EXOC4: variants seen among roughly 807,000 people sequenced by gnomAD.
EXOC4 encodes SEC8-like 1.
A neutral mutation model predicts 107.2 loss-of-function variants in EXOC4; 71 were observed. The ratio of observed to expected loss-of-function variants is 0.66; its 90% CI spans 0.55 to 0.81. EXOC4 has a LOEUF of 0.81. Among genes scored for constraint, EXOC4 ranks in the 30% least tolerant of loss-of-function variants. The pLI, the probability that EXOC4 is intolerant of heterozygous loss-of-function variation, is 0.00. For synonymous variants in EXOC4, 456 were observed against 441.2 expected, an observed-to-expected ratio of 1.03 and a Z score of -0.42; for missense variants, 1,108 against 1,189.6, an observed-to-expected ratio of 0.93 and a Z score of 1.01.
At chr7:133,555,391 A>C (rs959224442) in intron 9 of EXOC4, among the ~76,000 whole-genome samples, 5 of 152,102 alleles carry the variant, frequency 3.3e-5, no homozygotes, top group African/African-American at 9.7e-5. Context: ...TTATTTCTTT[A>C]ATAAAATTGA....
At chr7:133,950,929 G>T (rs1368204063) in intron 14 of EXOC4, among the ~76,000 whole-genome samples, 1 of 152,212 alleles carries the variant, frequency 6.6e-6, no homozygotes, top group Non-Finnish European at 1.5e-5. Flanking sequence ...TAACGCATTT[G>T]TTCAAGCCAA....
intron 9 of EXOC4, among the ~76,000 whole-genome samples, chr7:133,565,835 G>T (rs984151671): frequency 6.6e-6 from 1 of 152,106 alleles, no homozygotes; most frequent in African/African-American, 2.4e-5. Context: ...TGATCCTACT[G>T]GTGGTTCAGA....
chr7:133,464,814 T>TTTG (rs1554457668), intron 7 of EXOC4, among the ~76,000 whole-genome samples: 4 of 109,498 alleles, frequency 3.7e-5, no homozygotes, highest in Non-Finnish European at 5.6e-5. Context: ...TGGGTTGGTT[T>TTTG]TTTTTTTTTT....
chr7:133,783,398 A>G (rs1321056034), intron 10 of EXOC4, among the ~76,000 whole-genome samples: 1 of 152,210 alleles, frequency 6.6e-6, no homozygotes, highest in Non-Finnish European at 1.5e-5. Flanking sequence ...TTACATATGA[A>G]GCACTGCTAT....
chr7:133,661,284 G>A (rs1000583360), intron 10 of EXOC4, among the ~76,000 whole-genome samples: 2 of 152,116 alleles, frequency 1.3e-5, no homozygotes, highest in Non-Finnish European at 2.9e-5. Flanking sequence ...TCTGGAGGGA[G>A]AAGAGCACAA....
intron 17 of EXOC4, among the ~76,000 whole-genome samples, chr7:134,052,195 A>G (rs1795811364): frequency 6.6e-6 from 1 of 152,160 alleles, no homozygotes; most frequent in African/African-American, 2.4e-5. Context: ...AAAAGGAGAA[A>G]AGACACGAGG....
intron 7 of EXOC4, among the ~76,000 whole-genome samples, chr7:133,431,753 G>A (rs760331978): frequency 1.1e-4 from 17 of 152,172 alleles, no homozygotes; most frequent in Non-Finnish European, 1.8e-4. Flanking sequence ...TTTATAGACC[G>A]GACCCGTAAT....
intron 9 of EXOC4, among the ~76,000 whole-genome samples, chr7:133,597,317 G>A (rs550835821): frequency 2.0e-5 from 3 of 152,130 alleles, no homozygotes; most frequent in Non-Finnish European, 2.9e-5. Flanking sequence ...ACTTTGGGAG[G>A]CCGAGGCGGG....
At chr7:133,387,558 T>C (rs1172067402) in intron 7 of EXOC4, among the ~76,000 whole-genome samples, 1 of 152,178 alleles carries the variant, frequency 6.6e-6, no homozygotes, top group African/African-American at 2.4e-5. Flanking sequence ...GAAACAATTA[T>C]ATCATCATGT....
chr7:133,965,015 T>C (rs1801030238), intron 14 of EXOC4, among the ~76,000 whole-genome samples: 1 of 152,186 alleles, frequency 6.6e-6, no homozygotes, highest in Non-Finnish European at 1.5e-5. Context: ...TTTTAATGAT[T>C]GCCATTGTAA....
chr7:133,391,728 A>G lies in EXOC4; in HGVS notation c.1182+16726A>G, dbSNP rs992930924. ...TGCACTTTAGAGGAATTACCCAAAT[A>G]CTTTCACAGACAGCATATCAGCAAA... On this transcript the variant is annotated intron_variant, in intron 7 of 17. Coordinates refer to ENST00000253861, the MANE Select transcript of EXOC4 (RefSeq NM_021807.4). Among the ~76,000 whole-genome samples, 6 of 152,350 alleles carry G rather than the reference A, an allele frequency of 3.9e-5. No individual in the cohort carries two copies. In the East Asian group the frequency reaches 9.6e-4, roughly 24 times the overall value.
At chr7:134,073,981 C>T in the EXOC4 span, among the ~76,000 whole-genome samples, 1 of 152,282 alleles carries the variant, frequency 6.6e-6, no homozygotes, top group South Asian at 2.1e-4. Flanking sequence ...TTCTAGTGTG[C>T]CCAGGCTTTG....
intron 5 of EXOC4, among the ~76,000 whole-genome samples, chr7:133,341,203 A>G (rs970237480): frequency 3.9e-5 from 6 of 152,138 alleles, no homozygotes; most frequent in Admixed American, 1.3e-4. Context: ...CACTTTTGCT[A>G]TATTGCAGAA....
At chr7:133,885,643 G>T (rs1799069615) in intron 11 of EXOC4, among the ~76,000 whole-genome samples, 3 of 152,060 alleles carry the variant, frequency 2.0e-5, no homozygotes, top group Admixed American at 1.3e-4. Flanking sequence ...GGCACAGAAG[G>T]GACATTTAAA....
intron 14 of EXOC4, among the ~76,000 whole-genome samples, chr7:133,979,436 C>G (rs1391272423): frequency 1.3e-5 from 2 of 152,134 alleles, no homozygotes; most frequent in Non-Finnish European, 2.9e-5. Flanking sequence ...GACATGATCT[C>G]TCAATCACAT....
At chr7:133,907,840 A>AG (rs1195280297) in intron 12 of EXOC4, among the ~76,000 whole-genome samples, 2 of 150,780 alleles carry the variant, frequency 1.3e-5, no homozygotes, top group Admixed American at 6.6e-5. Flanking sequence ...GAAGAGGAGG[A>AG]GAAGGAGAGA....
chr7:133,791,945 A>G (rs1217257626), intron 10 of EXOC4, among the ~76,000 whole-genome samples: 1 of 152,194 alleles, frequency 6.6e-6, no homozygotes. Flanking sequence ...GGGTGTGGAA[A>G]CATCATTGAA....
intron 12 of EXOC4, among the ~76,000 whole-genome samples, chr7:133,914,001 G>A (rs1799751380): frequency 1.3e-5 from 2 of 152,240 alleles, no homozygotes; most frequent in Non-Finnish European, 2.9e-5. Flanking sequence ...CAAAAGTGTT[G>A]GATGCTTTAG....
At chr7:133,989,925 G>T (rs1794210034) in intron 14 of EXOC4, among the ~76,000 whole-genome samples, 2 of 152,158 alleles carry the variant, frequency 1.3e-5, no homozygotes, top group African/African-American at 4.8e-5. Flanking sequence ...TTGACAAGTG[G>T]TACCGCAAGC....
Sources: allele counts gnomAD v4.1 joint callset (sites outside exome capture counted in the v4.1 genomes callset), GRCh38; gene constraint gnomAD v4.1.1; transcripts MANE v1.5; gene names NCBI Gene and HGNC (gene_info 2026-07-23, HGNC 2026-07-21).